Variants in TNKS observed in about 807,000 individuals in gnomAD.
TNKS encodes poly [ADP-ribose] polymerase tankyrase-1.
A neutral mutation model predicts 135.8 loss-of-function variants in TNKS; 72 were observed. The ratio of observed to expected loss-of-function variants is 0.53; its 90% CI spans 0.44 to 0.64. The LOEUF (loss-of-function observed/expected upper bound fraction) is 0.64. TNKS is among the 30% of genes least tolerant of loss of function. TNKS has a pLI of 0.00. For synonymous variants in TNKS, 849 were observed against 649.3 expected (o/e 1.31, Z -4.68); for missense variants, 1,769 against 1,674.0 (o/e 1.06, Z -0.99).
chr8:9,750,974 C>G (rs916137251), intron 18 of TNKS, among the ~76,000 whole-genome samples: 5 of 152,206 alleles, frequency 3.3e-5, no homozygotes, highest in African/African-American at 1.2e-4. Context: ...CACTGCCAAT[C>G]CACTTAAAGC....
At position 9,710,041 on chromosome 8, in the gene TNKS, T is replaced by C; in HGVS notation, c.1665T>C (p.Asn555=). 4 of 1,613,444 alleles carry C rather than the reference T, an allele frequency of 2.5e-6. No homozygotes were observed. Among genetic ancestry groups the C allele is most frequent in the Non-Finnish European group, 3.4e-6 (4 of 1,179,498 alleles). The change falls in exon 10 of 27, where the codon AAT becomes AAC. Residue 555 remains asparagine, a synonymous_variant. Transcript: ENST00000310430. ...AAGGAGCAAATGTTAATGAAAAAAA[T>C]AAAGAGTAAGTATAATTGCAGAAGG... ...LRKGANVNEK[N]KDFMTPLHVA...
intron 18 of TNKS, among the ~76,000 whole-genome samples, chr8:9,749,485 T>C (rs28674042): frequency 0.02 from 2,934 of 144,898 alleles, 86 homozygotes; most frequent in African/African-American, 0.068. Context: ...TTTTTTTTTT[T>C]CCCCCTTAAG....
chr8:9,581,747 GT>G (rs1798174809), intron 2 of TNKS, among the ~76,000 whole-genome samples: 1 of 152,054 alleles, frequency 6.6e-6, no homozygotes, highest in Non-Finnish European at 1.5e-5. Flanking sequence ...TCAGTCTTCT[GT>G]TTTCCTGCCT....
Position 9,778,940 on chromosome 8 carries a change from A to C in TNKS, c.*2204A>C, listed in dbSNP as rs1427824115. The C allele has an allele frequency of 6.6e-6, 1 of 152,208 alleles. No homozygotes were observed. The highest frequency in any genetic ancestry group is 6.5e-5 in the Admixed American group (1 of 15,276). 9.4% of individuals were successfully genotyped at this position (152,208 alleles called of 1,614,324 possible). ...TCCATCATACTAACTAGATGAATGGATGCGCCAGTTTTCATCTTGGTCCTT... is the reference window on the plus strand; with the variant it reads ...TCCATCATACTAACTAGATGAATGGCTGCGCCAGTTTTCATCTTGGTCCTT... On this transcript the variant is annotated 3_prime_UTR_variant, in exon 27 of 27. Coordinates refer to ENST00000310430, the MANE Select transcript of TNKS (RefSeq NM_003747.3).
chr8:9,643,267 T>A lies in TNKS; in HGVS notation c.994+27590T>A, dbSNP rs955616086. Reference sequence around the variant, plus strand: ...TGGGTGATTTATAAAGAAAAGAAGTTTATTTTTTTCAGTTCTAGAAGCTGA... The same window carrying A: ...TGGGTGATTTATAAAGAAAAGAAGTATATTTTTTTCAGTTCTAGAAGCTGA... On this transcript the variant is annotated intron_variant, in intron 3 of 26. Transcript: ENST00000310430. Among the ~76,000 whole-genome samples the A allele has an allele frequency of 5.5e-5, 8 of 145,966 alleles. 1 individual carries two copies. Among genetic ancestry groups the A allele is most frequent in the African/African-American group, 2.0e-4 (8 of 39,452 alleles).
intron 3 of TNKS, among the ~76,000 whole-genome samples, chr8:9,672,555 G>T (rs1268094892): frequency 1.4e-5 from 2 of 147,362 alleles, no homozygotes; most frequent in East Asian, 4.0e-4. Flanking sequence ...CTGTGATATA[G>T]AACAAAATGT....
At chr8:9,601,580 G>A (rs1040555814) in intron 2 of TNKS, among the ~76,000 whole-genome samples, 2 of 152,154 alleles carry the variant, frequency 1.3e-5, no homozygotes, top group Admixed American at 1.3e-4. Context: ...GGGAGACAGA[G>A]AAAGACAGCA....
chr8:9,673,887 T>G (rs1220041525), intron 3 of TNKS, among the ~76,000 whole-genome samples: 3 of 152,198 alleles, frequency 2.0e-5, no homozygotes, highest in Non-Finnish European at 4.4e-5. Flanking sequence ...TAAAAAAATG[T>G]TGTAACAAGT....
chr8:9,579,093 T>C (rs1470799837), intron 1 of TNKS, among the ~76,000 whole-genome samples: 1 of 152,204 alleles, frequency 6.6e-6, no homozygotes, highest in Non-Finnish European at 1.5e-5. Context: ...TGCCTCATCC[T>C]TAGACTACTT....
intron 3 of TNKS, among the ~76,000 whole-genome samples, chr8:9,655,198 G>A (rs1407060610): frequency 3.3e-5 from 5 of 152,296 alleles, no homozygotes; most frequent in Non-Finnish European, 7.4e-5. Flanking sequence ...CTGGGGGAGG[G>A]GCGCCCACCA....
chr8:9,590,692 G>A lies in TNKS; in HGVS notation c.898+10309G>A, dbSNP rs180733164. Among the ~76,000 whole-genome samples, 29 of 152,192 alleles carry A rather than the reference G, an allele frequency of 1.9e-4. No homozygotes were observed. In the East Asian group the frequency reaches 3.5e-3, roughly 18 times the overall value. ...AATGATGTTGAGCATCTTTTCATGT[G>A]CGTGTTTGCCATTTGTATGTATTCT... On this transcript the variant is annotated intron_variant, in intron 2 of 26. Transcript: ENST00000310430.
At chr8:9,698,391 A>AAAG (rs1803628008) in intron 5 of TNKS, among the ~76,000 whole-genome samples, 3 of 150,846 alleles carry the variant, frequency 2.0e-5, no homozygotes, top group African/African-American at 7.3e-5. Context: ...AAAAAAAAAA[A>AAAG]GCTTAAGTAT....
intron 17 of TNKS, among the ~76,000 whole-genome samples, chr8:9,740,546 A>G (rs1271269040): frequency 6.6e-6 from 1 of 152,186 alleles, no homozygotes; most frequent in African/African-American, 2.4e-5. Flanking sequence ...GAAAGCAACA[A>G]TCCGGTTTTT....
At chr8:9,773,098 C>CT (rs1267737956) in intron 26 of TNKS, among the ~76,000 whole-genome samples, 4 of 151,310 alleles carry the variant, frequency 2.6e-5, no homozygotes, top group African/African-American at 9.7e-5. Context: ...AATCATAAAC[C>CT]TTTAACTTCT....
At chr8:9,584,270 T>TA (rs1171077015) in intron 2 of TNKS, among the ~76,000 whole-genome samples, 2 of 152,066 alleles carry the variant, frequency 1.3e-5, no homozygotes, top group Non-Finnish European at 2.9e-5. Flanking sequence ...TTGGAGATTT[T>TA]AAACTGTGGG....
intron 2 of TNKS, among the ~76,000 whole-genome samples, chr8:9,607,271 A>G (rs1381663969): frequency 1.3e-5 from 2 of 152,192 alleles, no homozygotes; most frequent in Non-Finnish European, 2.9e-5. Context: ...TGTTATTCAT[A>G]TTTGACTTAA....
intron 3 of TNKS, among the ~76,000 whole-genome samples, chr8:9,644,016 G>A (rs1292345263): frequency 4.6e-5 from 7 of 152,166 alleles, no homozygotes; most frequent in Non-Finnish European, 1.0e-4. Context: ...GAATAAGACA[G>A]TCACAAAAGG....
intron 1 of TNKS, among the ~76,000 whole-genome samples, chr8:9,573,608 G>C (rs759023389): frequency 6.6e-6 from 1 of 152,138 alleles, no homozygotes; most frequent in Non-Finnish European, 1.5e-5. Context: ...TATTTTCCTA[G>C]ACAACCCCAA....
chr8:9,754,664 A>C (rs953354138), intron 20 of TNKS, among the ~76,000 whole-genome samples: 2 of 152,152 alleles, frequency 1.3e-5, no homozygotes, highest in South Asian at 4.1e-4. Flanking sequence ...GCTGAATGAC[A>C]TTTATCCTAT....
Sources: gnomAD v4.1 joint callset for allele counts (sites outside exome capture counted in the v4.1 genomes callset) on GRCh38, gnomAD v4.1.1 for gene constraint, MANE v1.5 for transcripts, NCBI Gene and HGNC (gene_info 2026-07-23, HGNC 2026-07-21) for gene names.